KLF16: variants seen among roughly 807,000 people sequenced by gnomAD.
The protein encoded by KLF16 is Krueppel-like factor 16.
In KLF16, 6 loss-of-function variants were observed where a neutral mutation model predicts 6.1. The ratio of observed to expected loss-of-function variants is 0.98; its 90% CI spans 0.54 to 1.93. KLF16 has a LOEUF of 1.93. Ranked by LOEUF, KLF16 falls within the 30% of genes most tolerant of loss-of-function variation. KLF16 has a pLI of 0.01. For missense variants in KLF16, 355 were observed against 363.8 expected (o/e 0.98, Z 0.20); for synonymous variants, 211 against 176.5 (o/e 1.20, Z -1.55).
the KLF16 span, among the ~76,000 whole-genome samples, chr19:1,874,636 A>G: frequency 3.0e-4 from 45 of 151,524 alleles, no homozygotes; most frequent in African/African-American, 1.1e-3. Context: ...TTAGATGCTT[A>G]GCTTAAAGAA....
At chr19:1,865,807 C>CA (rs1420585394), upstream of KLF16, among the ~76,000 whole-genome samples, 1 of 152,234 alleles carries the variant, frequency 6.6e-6, no homozygotes, top group Non-Finnish European at 1.5e-5. Context: ...GCGGTGAACA[C>CA]AGACAAACCT....
rs1259090904 is a variant in KLF16, at chr19:1,859,332, C to A, written c.457+3709G>T. Among the ~76,000 whole-genome samples, 4 of 152,234 alleles carry A rather than the reference C, an allele frequency of 2.6e-5. No individual in the cohort carries two copies. The East Asian group carries it at 7.7e-4, about 29-fold the overall frequency. ...ACCTGGCAGGCACTCAGACACTCCTCTGCACACCTCGTCCTGAGGAGTCTC... is the reference window on the plus strand; with the variant it reads ...ACCTGGCAGGCACTCAGACACTCCTATGCACACCTCGTCCTGAGGAGTCTC... On this transcript the variant is annotated intron_variant, in intron 1 of 1. Transcript: ENST00000250916.
In KLF16 at chr19:1,854,254, G is replaced by GT. The variant is rs1555830266; in HGVS notation, c.*204_*205insA. On this transcript the variant is annotated 3_prime_UTR_variant, in exon 2 of 2. Transcript: ENST00000250916. Reference sequence around the variant, plus strand: ...GTATCATGGCTATTTACAGACACAAGCCCCCGTCACCCATCCTGAGAGCCA... The same window carrying GT: ...GTATCATGGCTATTTACAGACACAAGTCCCCCGTCACCCATCCTGAGAGCCA... 1.2e-5 allele frequency: 6 copies of GT among 519,180 alleles called. No homozygotes were observed. Among genetic ancestry groups the GT allele is most frequent in the Non-Finnish European group, 1.6e-5 (5 of 320,644 alleles). The allele number at this position is 519,180 out of a possible 1,614,324, so 32.2% of individuals were successfully genotyped here. A position where few individuals can be genotyped will look rare whatever the true frequency, so the allele number is the denominator to read the frequency against.
the KLF16 span, among the ~76,000 whole-genome samples, chr19:1,873,378 C>T: frequency 6.6e-6 from 1 of 152,188 alleles, no homozygotes; most frequent in Admixed American, 6.5e-5. Context: ...ACATCTCAGG[C>T]AAGCCTCTGC....
upstream of KLF16, among the ~76,000 whole-genome samples, chr19:1,866,409 G>C (rs1485803981): frequency 1.3e-5 from 2 of 151,828 alleles, no homozygotes; most frequent in African/African-American, 4.8e-5. Context: ...TCGAGAGTTC[G>C]AGACCAGCCT....
At chr19:1,862,743 CA>C (rs2012093369) in intron 1 of KLF16, 4 of 361,184 alleles carry the variant, frequency 1.1e-5, no homozygotes, top group African/African-American at 8.5e-5. Flanking sequence ...GAACAAGGCC[CA>C]GAAAGGGAGA....
At position 1,863,394 on chromosome 19, in the gene KLF16, G is replaced by A. The variant is rs1319284824; in HGVS notation, c.104C>T (p.Ala35Val). 1.3e-5 allele frequency: 13 copies of A among 985,228 alleles called. No individual in the cohort carries two copies. The highest frequency in any genetic ancestry group is 5.1e-4 in the Middle Eastern group (1 of 1,966). 61.0% of individuals were successfully genotyped at this position (985,228 alleles called of 1,614,324 possible). The change falls in exon 1 of 2, where the codon GCG becomes GTG. Residue 35 changes from alanine (A) to valine (V), a missense_variant. Ala to Val is a moderately conservative substitution (Grantham distance 64, BLOSUM62 0). Coordinates refer to ENST00000250916, the MANE Select transcript of KLF16 (RefSeq NM_031918.4). ...CACATCCAGGCCGGCGGCGGGGCCC[G>A]CGCCCTCGGGGCCGGGCCGCCCGCG... Reference protein sequence around the residue: ...VHRGRPGPEGAGPAAGLDVRA... With the variant: ...VHRGRPGPEGVGPAAGLDVRA...
chr19:1,874,829 A>G, the KLF16 span: 2 of 151,406 alleles, frequency 1.3e-5, no homozygotes, highest in African/African-American at 4.9e-5. Flanking sequence ...GTGCACCTAG[A>G]AACCACCACC....
upstream of KLF16, among the ~76,000 whole-genome samples, chr19:1,867,183 A>G (rs982375531): frequency 6.6e-6 from 1 of 152,198 alleles, no homozygotes; most frequent in African/African-American, 2.4e-5. Context: ...GAGGGCAAAG[A>G]ACACAGTCTC....
chr19:1,862,837 C>A, intron 1 of KLF16: 1 of 310,478 alleles, frequency 3.2e-6, no homozygotes. Context: ...CCGGGGCGGC[C>A]ATCCGCTCGC....
upstream of KLF16, among the ~76,000 whole-genome samples, chr19:1,864,054 C>T (rs939713449): frequency 6.7e-6 from 1 of 148,782 alleles, no homozygotes. Context: ...CGCGCCCCGC[C>T]CCATCCCGGC....
the KLF16 span, among the ~76,000 whole-genome samples, chr19:1,868,662 G>T: frequency 9.9e-4 from 141 of 141,924 alleles, no homozygotes; most frequent in African/African-American, 3.2e-3. Flanking sequence ...TTTTTTTTTG[G>T]AAATAGAGTT....
upstream of KLF16, among the ~76,000 whole-genome samples, chr19:1,866,456 C>CA (rs369698123): frequency 6.6e-6 from 1 of 150,612 alleles, no homozygotes; most frequent in Admixed American, 6.6e-5. Flanking sequence ...ACTAAAAATA[C>CA]AAAAAAAATT....
At chr19:1,862,839 T>A (rs2012096443) in intron 1 of KLF16, 4 of 301,386 alleles carry the variant, frequency 1.3e-5, no homozygotes, top group Admixed American at 1.1e-4. Flanking sequence ...GGGGCGGCCA[T>A]CCGCTCGCCG....
At chr19:1,860,822 G>A (rs893284758) in intron 1 of KLF16, among the ~76,000 whole-genome samples, 3 of 152,220 alleles carry the variant, frequency 2.0e-5, no homozygotes, top group African/African-American at 7.2e-5. Flanking sequence ...GGGAGGCCCG[G>A]AAGAGGAGCC....
At chr19:1,874,486 T>C in the KLF16 span, among the ~76,000 whole-genome samples, 1 of 151,706 alleles carries the variant, frequency 6.6e-6, no homozygotes, top group African/African-American at 2.4e-5. Flanking sequence ...CATTTAAATA[T>C]ATGGGGAAAA....
intron 1 of KLF16, chr19:1,861,330 T>C (rs2045380379): frequency 6.6e-6 from 1 of 152,062 alleles, no homozygotes; most frequent in Admixed American, 6.5e-5. Flanking sequence ...TGGGAGTCGC[T>C]TTCCCAACAG....
chr19:1,854,143 G>T lies in KLF16; in HGVS notation c.*316C>A, dbSNP rs1047304273. 9.6e-6 allele frequency: 3 copies of T among 311,050 alleles called. No homozygotes were observed. The highest frequency in any genetic ancestry group is 1.7e-5 in the Non-Finnish European group (3 of 171,438). 19.3% of individuals were successfully genotyped at this position (311,050 alleles called of 1,614,324 possible). A position where few individuals can be genotyped will look rare whatever the true frequency, so the allele number is the denominator to read the frequency against. ...CCCCCCCAAACCCCACCCCGGGAGG[G>T]GGGCAGCAGGGGGTGGTGGAGAGGA... is the stretch of plus-strand genomic sequence containing the variant. On this transcript the variant is annotated 3_prime_UTR_variant, in exon 2 of 2. Transcript: ENST00000250916.
At chr19:1,867,271 CA>C (rs1261640784), upstream of KLF16, among the ~76,000 whole-genome samples, 1 of 152,136 alleles carries the variant, frequency 6.6e-6, no homozygotes, top group Non-Finnish European at 1.5e-5. Flanking sequence ...AGGTGAGGGC[CA>C]AAAACAAGGC....
Sources: allele counts gnomAD v4.1 joint callset (sites outside exome capture counted in the v4.1 genomes callset), GRCh38; gene constraint gnomAD v4.1.1; transcripts MANE v1.5; gene names NCBI Gene and HGNC (gene_info 2026-07-23, HGNC 2026-07-21).